CLMN: variants seen among roughly 807,000 people sequenced by gnomAD.
CLMN encodes the protein calmin (calponin-like, transmembrane).
A neutral mutation model predicts 92.7 loss-of-function variants in CLMN; 57 were observed. That is an observed-to-expected ratio of 0.61 (90% CI 0.50 to 0.77). The LOEUF is 0.77. CLMN is among the 30% of genes least tolerant of loss of function. The probability of loss-of-function intolerance (pLI) is 0.00; values close to 1 mark genes in which losing one functional copy is unlikely to be tolerated. For missense variants in CLMN, 1,158 were observed against 1,237.5 expected (o/e 0.94, Z 0.96); for synonymous variants, 466 against 470.6 (o/e 0.99, Z 0.13).
At chr14:95,275,808 G>A (rs1054226836) in intron 1 of CLMN, among the ~76,000 whole-genome samples, 5 of 151,932 alleles carry the variant, frequency 3.3e-5, no homozygotes, top group African/African-American at 4.8e-5. Context: ...GATTACAGGC[G>A]CATGCCACCA....
At chr14:95,243,753 G>C (rs146044936) in intron 1 of CLMN, among the ~76,000 whole-genome samples, 144 of 132,990 alleles carry the variant, frequency 1.1e-3, no homozygotes, top group African/African-American at 4.1e-3. Context: ...AAAGAACCCA[G>C]AATTACTCTG....
chr14:95,233,283 G>A (rs1007481802), intron 1 of CLMN, among the ~76,000 whole-genome samples: 2 of 152,042 alleles, frequency 1.3e-5, no homozygotes, highest in East Asian at 1.9e-4. Context: ...GTGGGTATCT[G>A]ACAGTCTACA....
intron 5 of CLMN, among the ~76,000 whole-genome samples, chr14:95,214,291 A>AT (rs1378835917): frequency 1.1e-4 from 16 of 151,320 alleles, no homozygotes; most frequent in Non-Finnish European, 2.4e-4. Context: ...AGGAAGTTTA[A>AT]TAACAGGTAG....
chr14:95,294,046 A>G lies in CLMN; in HGVS notation c.82+25665T>C, dbSNP rs1192715315. ...AGGAGGAGGAGGAGGAGGAGGCCAG[A>G]AGTCTGGCTGGAGGGCTTCCCCACT... On this transcript the variant is annotated intron_variant, in intron 1 of 12. Transcript: ENST00000298912. This position sits in a 1 kb window ranked among gnomAD's most constrained non-coding sequence, Gnocchi z 4.2. Among the ~76,000 whole-genome samples the G allele has an allele frequency of 6.6e-6, 1 of 151,952 alleles. No homozygotes were observed. The highest frequency in any genetic ancestry group is 2.4e-5 in the African/African-American group (1 of 41,372).
intron 1 of CLMN, 144 bp from the exon 2 acceptor site, chr14:95,230,277 G>A: frequency 1.4e-6 from 1 of 724,774 alleles, no homozygotes; most frequent in Non-Finnish European, 2.4e-6. Flanking sequence ...TTCTGGAAGG[G>A]GTTGGCAACG....
intron 1 of CLMN, among the ~76,000 whole-genome samples, chr14:95,268,843 G>A (rs1431355547): frequency 8.6e-6 from 1 of 116,234 alleles, no homozygotes; most frequent in Non-Finnish European, 1.6e-5. Flanking sequence ...TCACTCTGTC[G>A]CCCAGGCTGG....
In CLMN at chr14:95,203,372, T is replaced by C. The variant is rs750323227; in HGVS notation, c.1977A>G (p.Glu659=). The C allele has an allele frequency of 6.2e-7, 1 of 1,614,144 alleles. No homozygotes were observed. Among genetic ancestry groups the C allele is most frequent in the African/African-American group, 1.3e-5 (1 of 75,024 alleles). ...TPVDKKPEVH[E]KAKRKSTRPH... ...GACGGGTGGACTTTCTCTTGGCCTT[T>C]TCATGCACCTCTGGCTTTTTATCCA... The change falls in exon 9 of 13, where the codon GAA becomes GAG. Residue 659 remains glutamate, a synonymous_variant. Transcript: ENST00000298912.
intron 1 of CLMN, among the ~76,000 whole-genome samples, chr14:95,265,987 G>T (rs908889410): frequency 2.6e-5 from 4 of 152,242 alleles, no homozygotes; most frequent in African/African-American, 9.6e-5. Flanking sequence ...CGAGGCACAA[G>T]ATGCCAGAGG....
At chr14:95,262,024 T>C (rs1899277054) in intron 1 of CLMN, among the ~76,000 whole-genome samples, 1 of 152,260 alleles carries the variant, frequency 6.6e-6, no homozygotes, top group Non-Finnish European at 1.5e-5. Context: ...TGGCTGTGCC[T>C]GGCTGACAGG....
At chr14:95,307,593 G>A (rs1901339008) in intron 1 of CLMN, 1 of 152,286 alleles carries the variant, frequency 6.6e-6, no homozygotes, top group Non-Finnish European at 1.5e-5. Context: ...AGGTACTCCT[G>A]GGAACTCAAT....
In CLMN at chr14:95,185,996, C is replaced by G. The variant is rs1003949396; in HGVS notation, c.*5568G>C. 2.0e-5 allele frequency: 3 copies of G among 152,194 alleles called. No individual in the cohort carries two copies. Among genetic ancestry groups the G allele is most frequent in the African/African-American group, 7.2e-5 (3 of 41,446 alleles). 9.4% of individuals were successfully genotyped at this position (152,194 alleles called of 1,614,324 possible). On this transcript the variant is annotated 3_prime_UTR_variant, in exon 13 of 13. Transcript: ENST00000298912. Reference sequence around the variant, plus strand: ...TTCTGACTTTTGTTGGAGAGATGAGCTCCATGGTGTTCTGAGTCCCTAGCG... The same window carrying G: ...TTCTGACTTTTGTTGGAGAGATGAGGTCCATGGTGTTCTGAGTCCCTAGCG...
At position 95,204,470 on chromosome 14, in the gene CLMN, A is replaced by AG. The variant is rs776009768; in HGVS notation, c.886-8_886-7insC. The AG allele has an allele frequency of 1.9e-6, 3 of 1,550,468 alleles. No individual in the cohort carries two copies. Among genetic ancestry groups the AG allele is most frequent in the Admixed American group, 2.2e-5 (1 of 45,404 alleles). On this transcript the variant is annotated splice_region_variant and splice_polypyrimidine_tract_variant and intron_variant, in intron 8 of 12. Transcript: ENST00000298912. ...CTGAATCGAAAATATCTTCCTGCAA[A>AG]AAAAAACAAAAACAAACAAACAAAA...
At chr14:95,196,915 T>C (rs985302769) in intron 9 of CLMN, among the ~76,000 whole-genome samples, 3 of 152,218 alleles carry the variant, frequency 2.0e-5, no homozygotes, top group Admixed American at 6.5e-5. Context: ...TACAAATTGA[T>C]GGAGTTAAAA....
chr14:95,258,543 TTGTA>T (rs1281286460), intron 1 of CLMN, among the ~76,000 whole-genome samples: 2 of 148,254 alleles, frequency 1.3e-5, no homozygotes, highest in African/African-American at 2.5e-5. Context: ...GAGGATGTGT[TTGTA>T]TGTGTGGTGT....
At chr14:95,311,609 A>G (rs908058101) in intron 1 of CLMN, among the ~76,000 whole-genome samples, 1 of 152,104 alleles carries the variant, frequency 6.6e-6, no homozygotes, top group East Asian at 1.9e-4. Flanking sequence ...AACACAAGGG[A>G]ACCAAATAAA....
intron 1 of CLMN, among the ~76,000 whole-genome samples, chr14:95,255,177 C>T (rs1898946909): frequency 1.3e-5 from 2 of 152,258 alleles, no homozygotes; most frequent in Admixed American, 1.3e-4. Context: ...TCAGAGGAAG[C>T]CCCCTGCCGG....
intron 1 of CLMN, among the ~76,000 whole-genome samples, chr14:95,289,590 G>C (rs1383770749): frequency 6.6e-6 from 1 of 151,954 alleles, no homozygotes; most frequent in Non-Finnish European, 1.5e-5. Flanking sequence ...ATGCTAAAAG[G>C]AGAAAAGGGT....
chr14:95,215,226 T>G (rs1213646618), intron 5 of CLMN, among the ~76,000 whole-genome samples: 1 of 152,204 alleles, frequency 6.6e-6, no homozygotes, highest in Non-Finnish European at 1.5e-5. Context: ...AACAATAAGG[T>G]CTCGCCTGTT....
intron 1 of CLMN, among the ~76,000 whole-genome samples, chr14:95,248,295 T>C (rs758564591): frequency 6.6e-6 from 1 of 152,138 alleles, no homozygotes; most frequent in Non-Finnish European, 1.5e-5. Context: ...ATGCCAAAAT[T>C]AGGGCAAGAA....
Sources: allele counts gnomAD v4.1 joint callset (sites outside exome capture counted in the v4.1 genomes callset), GRCh38; gene constraint gnomAD v4.1.1; non-coding constraint Gnocchi (gnomAD v3.1); transcripts MANE v1.5; gene names NCBI Gene and HGNC (gene_info 2026-07-23, HGNC 2026-07-21).